The following PVT1 variants were observed in gnomAD, a reference collection of about 807,000 sequenced individuals.
PVT1 encodes Pvt1 oncogene, also known as CXCR4/PVT1 fusion.
intron 4 of PVT1, among the ~76,000 whole-genome samples, chr8:127,991,576 G>A (rs1264611482): frequency 2.0e-5 from 3 of 152,092 alleles, no homozygotes; most frequent in Admixed American, 2.0e-4. Context: ...GGGGAAAAGG[G>A]CTGATGGGAC....
At chr8:128,033,631 A>T (rs1813425319) in intron 4 of PVT1, among the ~76,000 whole-genome samples, 1 of 152,210 alleles carries the variant, frequency 6.6e-6, no homozygotes, top group African/African-American at 2.4e-5. Flanking sequence ...TTTGAGCCAT[A>T]AATTGGCCAT....
chr8:127,866,467 C>T (rs907926746), intron 2 of PVT1, among the ~76,000 whole-genome samples: 3 of 152,178 alleles, frequency 2.0e-5, no homozygotes, highest in Admixed American at 1.3e-4. Flanking sequence ...GGCACTGGGA[C>T]ATCCTGCCTT....
intron 4 of PVT1, among the ~76,000 whole-genome samples, chr8:128,051,173 G>A (rs1236991476): frequency 6.6e-6 from 1 of 152,222 alleles, no homozygotes; most frequent in Admixed American, 6.5e-5. Context: ...TCACACTGGA[G>A]TTGTAAGGAT....
intron 2 of PVT1, among the ~76,000 whole-genome samples, chr8:127,884,438 C>G (rs1815502687): frequency 6.6e-6 from 1 of 152,204 alleles, no homozygotes. Context: ...TATCCTTAGA[C>G]TTGTCTTCTG....
At chr8:128,099,145 C>T (rs927868867) in intron 6 of PVT1, among the ~76,000 whole-genome samples, 1 of 152,222 alleles carries the variant, frequency 6.6e-6, no homozygotes, top group Admixed American at 6.5e-5. Flanking sequence ...GGCCTTCTCA[C>T]TCTGACTCCT....
chr8:127,850,650 T>C (rs1815097428), intron 2 of PVT1, among the ~76,000 whole-genome samples: 1 of 152,256 alleles, frequency 6.6e-6, no homozygotes, highest in Admixed American at 6.5e-5. Flanking sequence ...GTGAATTTTA[T>C]TCTTTCATTT....
At chr8:127,936,058 T>TTA (rs397962938) in intron 3 of PVT1, among the ~76,000 whole-genome samples, 1 of 138,744 alleles carries the variant, frequency 7.2e-6, no homozygotes, top group African/African-American at 2.8e-5. Flanking sequence ...TTTTTTTTTT[T>TTA]ACTTTTTTTT....
At position 128,073,452 on chromosome 8, in the gene PVT1, G is replaced by T. The variant is rs141471494; in HGVS notation, n.1114+3091G>T. The stretch of plus-strand genomic sequence containing the variant: ...CTGGGAGATGGCACCAGCCAGTGAG[G>T]CTCAAATTTGAACCACACACAAATC... On this transcript the variant is annotated intron_variant and non_coding_transcript_variant, in intron 5 of 10. Coordinates refer to ENST00000651587, the Ensembl canonical transcript of PVT1. Among the ~76,000 whole-genome samples, 1,035 of 152,184 alleles carry T rather than the reference G, an allele frequency of 6.8e-3. 6 individuals carry two copies. The highest frequency in any genetic ancestry group is 0.014 in the Middle Eastern group (4 of 294).
intron 4 of PVT1, among the ~76,000 whole-genome samples, chr8:128,064,559 A>T (rs1345474449): frequency 6.6e-6 from 1 of 152,082 alleles, no homozygotes; most frequent in Non-Finnish European, 1.5e-5. Flanking sequence ...CCCCCAACAG[A>T]TTTTCTAATT....
At chr8:128,090,447 A>AT (rs1438188772) in intron 5 of PVT1, among the ~76,000 whole-genome samples, 1 of 152,190 alleles carries the variant, frequency 6.6e-6, no homozygotes, top group African/African-American at 2.4e-5. Context: ...GAGAAAAGTT[A>AT]AAGGCTGACT....
chr8:128,073,141 C>T (rs2130138783), intron 5 of PVT1, among the ~76,000 whole-genome samples: 1 of 152,108 alleles, frequency 6.6e-6, no homozygotes, highest in East Asian at 1.9e-4. Flanking sequence ...CCCACCTGAG[C>T]ATTTTTAGAT....
intron 2 of PVT1, among the ~76,000 whole-genome samples, chr8:127,804,618 G>A (rs992941318): frequency 7.2e-6 from 1 of 138,940 alleles, no homozygotes; most frequent in African/African-American, 2.8e-5. Context: ...TCAGCTCACT[G>A]CAACCTCTAC....
rs182661114 is a variant in PVT1 at position 127,823,610 on chromosome 8, C to G, written n.372+27539C>G. ...TAGACTTCTGGACCCTCAGCAATGT[C>G]CCGGGACTCACACTGGGGGAGGCAG... On this transcript the variant is annotated intron_variant and non_coding_transcript_variant, in intron 2 of 10. Coordinates refer to ENST00000651587, the Ensembl canonical transcript of PVT1. 7.1e-4 allele frequency among the ~76,000 whole-genome samples: 108 copies of G among 152,274 alleles called. 1 individual carries two copies. The highest frequency in any genetic ancestry group is 2.1e-4 in the South Asian group (1 of 4,830).
chr8:127,863,237 G>A (rs1175072014), intron 2 of PVT1, among the ~76,000 whole-genome samples: 1 of 151,878 alleles, frequency 6.6e-6, no homozygotes, highest in Non-Finnish European at 1.5e-5. Flanking sequence ...TCAGCCTCCC[G>A]AGTTGCTGGG....
intron 2 of PVT1, among the ~76,000 whole-genome samples, chr8:127,810,333 C>A (rs1002715095): frequency 6.6e-6 from 1 of 152,258 alleles, no homozygotes; most frequent in Non-Finnish European, 1.5e-5. Context: ...TCCTGCACCT[C>A]CCTCCTGTAA....
At chr8:127,873,760 T>C (rs548318456) in intron 2 of PVT1, among the ~76,000 whole-genome samples, 1 of 152,318 alleles carries the variant, frequency 6.6e-6, no homozygotes, top group African/African-American at 2.4e-5. Flanking sequence ...CCCCACAGAA[T>C]CTTTGCTCCA....
intron 4 of PVT1, among the ~76,000 whole-genome samples, chr8:128,004,221 A>G (rs1347329194): frequency 6.6e-6 from 1 of 152,202 alleles, no homozygotes; most frequent in Admixed American, 6.5e-5. Flanking sequence ...ACTGTATTTC[A>G]TTGTACAATA....
chr8:127,836,066 C>T (rs1814905513), intron 2 of PVT1, among the ~76,000 whole-genome samples: 1 of 152,158 alleles, frequency 6.6e-6, no homozygotes, highest in Non-Finnish European at 1.5e-5. Flanking sequence ...ATATCACCTC[C>T]TCAGACCACC....
chr8:127,803,275 C>G (rs1814488332), intron 2 of PVT1: 1 of 151,442 alleles, frequency 6.6e-6, no homozygotes, highest in Non-Finnish European at 1.5e-5. Context: ...ACTACAGGCA[C>G]CCGCCCACCA....
Sources: allele counts gnomAD v4.1 joint callset (sites outside exome capture counted in the v4.1 genomes callset), GRCh38; gene constraint gnomAD v4.1.1; transcripts MANE v1.5; gene names NCBI Gene and HGNC (gene_info 2026-07-23, HGNC 2026-07-21).